PPM1E: variants seen among roughly 807,000 people sequenced by gnomAD.
PPM1E encodes the protein protein phosphatase 1E.
In PPM1E, 20 loss-of-function variants were observed where a neutral mutation model predicts 65.9. The ratio of observed to expected loss-of-function variants is 0.30; its 90% CI spans 0.21 to 0.44. The LOEUF is 0.44. Ranked by LOEUF, PPM1E falls within the 20% of genes least tolerant of loss-of-function variation. PPM1E has a pLI of 1.00. For synonymous variants in PPM1E, 352 were observed against 374.9 expected, an observed-to-expected ratio of 0.94 and a Z score of 0.70; for missense variants, 713 against 953.1, an observed-to-expected ratio of 0.75 and a Z score of 3.32.
chr17:58,824,674 C>A (rs544394431), intron 1 of PPM1E, among the ~76,000 whole-genome samples: 1 of 151,424 alleles, frequency 6.6e-6, no homozygotes, highest in East Asian at 1.9e-4. Context: ...CTGCAAGCTC[C>A]GTCTCCCGGG....
chr17:58,846,594 A>G (rs925448939), intron 1 of PPM1E, among the ~76,000 whole-genome samples: 1 of 152,204 alleles, frequency 6.6e-6, no homozygotes, highest in Non-Finnish European at 1.5e-5. Flanking sequence ...TACAAAGGAC[A>G]TGAATGCATC....
At chr17:58,966,256 T>C in intron 3 of PPM1E, 1 of 371,244 alleles carries the variant, frequency 2.7e-6, no homozygotes, top group Non-Finnish European at 5.1e-6. Flanking sequence ...AGCTCACGCC[T>C]GTAATCCTAG....
chr17:58,897,088 G>A (rs2051427809), intron 1 of PPM1E, among the ~76,000 whole-genome samples: 1 of 152,084 alleles, frequency 6.6e-6, no homozygotes, highest in Admixed American at 6.6e-5. Context: ...CCACTGTTGA[G>A]ACCTACTGCT....
At chr17:58,780,543 A>T (rs1598566330) in intron 1 of PPM1E, among the ~76,000 whole-genome samples, 1 of 152,104 alleles carries the variant, frequency 6.6e-6, no homozygotes, top group Non-Finnish European at 1.5e-5. Flanking sequence ...TTGGTGTTTT[A>T]TATTTCTTCT....
chr17:58,878,100 G>A (rs550967497), intron 1 of PPM1E, among the ~76,000 whole-genome samples: 1 of 152,256 alleles, frequency 6.6e-6, no homozygotes, highest in Non-Finnish European at 1.5e-5. Context: ...AAAAGAAAGA[G>A]TGGCTTTACA....
chr17:58,947,303 C>T (rs2052171833), intron 1 of PPM1E, among the ~76,000 whole-genome samples: 1 of 132,962 alleles, frequency 7.5e-6, no homozygotes, highest in Non-Finnish European at 1.5e-5. Flanking sequence ...GTGACGTGAT[C>T]TCAGCTCACT....
In PPM1E at chr17:58,981,242, G is replaced by C; in HGVS notation, c.*211G>C. ...GCAGTTTCACTTGCAAAATTACACA[G>C]CTGGTCCCTGTGATGTGTCTCGACA... On this transcript the variant is annotated 3_prime_UTR_variant, in exon 7 of 7. Coordinates refer to ENST00000308249, the MANE Select transcript of PPM1E (RefSeq NM_014906.5). 1.9e-6 allele frequency: 1 copy of C among 521,284 alleles called. No individual in the cohort carries two copies. The highest frequency in any genetic ancestry group is 3.4e-6 in the Non-Finnish European group (1 of 297,664). 32.3% of individuals were successfully genotyped at this position (521,284 alleles called of 1,614,324 possible).
At chr17:58,857,035 T>A (rs1598613187) in intron 1 of PPM1E, among the ~76,000 whole-genome samples, 1 of 152,178 alleles carries the variant, frequency 6.6e-6, no homozygotes, top group East Asian at 1.9e-4. Context: ...CAGTTTAACC[T>A]ATTTTTTGCC....
At chr17:58,789,740 T>TTA (rs3034940) in intron 1 of PPM1E, among the ~76,000 whole-genome samples, 86 of 145,794 alleles carry the variant, frequency 5.9e-4, no homozygotes, top group African/African-American at 1.6e-3. Flanking sequence ...TGAGAGTCAT[T>TTA]TATATATATA....
Position 58,819,350 on chromosome 17 carries a change from T to C in PPM1E, c.464+62889T>C, listed in dbSNP as rs530894586. Among the ~76,000 whole-genome samples, 11 of 152,304 alleles carry C rather than the reference T, an allele frequency of 7.2e-5. No homozygotes were observed. In the East Asian group the frequency reaches 1.5e-3, roughly 21 times the overall value. ...TTTTAGTAGACACGGGGTTTCGCCA[T>C]GTAGGCCAGGCTGGTCTTGAACGCC... On this transcript the variant is annotated intron_variant, in intron 1 of 6. Coordinates refer to ENST00000308249, the MANE Select transcript of PPM1E (RefSeq NM_014906.5).
At chr17:58,877,952 A>G (rs1242267025) in intron 1 of PPM1E, among the ~76,000 whole-genome samples, 1 of 152,066 alleles carries the variant, frequency 6.6e-6, no homozygotes, top group Non-Finnish European at 1.5e-5. Context: ...TGTGATTTAT[A>G]TCTCAGTGAA....
chr17:58,928,765 C>T (rs535180979), intron 1 of PPM1E, among the ~76,000 whole-genome samples: 66 of 150,794 alleles, frequency 4.4e-4, no homozygotes, highest in African/African-American at 1.6e-3. Flanking sequence ...TACAGTGACG[C>T]GATCTCAGCT....
intron 1 of PPM1E, among the ~76,000 whole-genome samples, chr17:58,773,890 G>A (rs372867130): frequency 6.6e-6 from 1 of 152,120 alleles, no homozygotes; most frequent in African/African-American, 2.4e-5. Flanking sequence ...GGCTGGGTGC[G>A]GTGGCTCATG....
At chr17:58,817,144 C>T (rs868683569) in intron 1 of PPM1E, among the ~76,000 whole-genome samples, 3 of 151,922 alleles carry the variant, frequency 2.0e-5, no homozygotes, top group Non-Finnish European at 4.4e-5. Context: ...ATGTCTATAC[C>T]ACATTTGATT....
intron 1 of PPM1E, among the ~76,000 whole-genome samples, chr17:58,763,064 A>T (rs1459159330): frequency 6.6e-6 from 1 of 152,084 alleles, no homozygotes; most frequent in African/African-American, 2.4e-5. Context: ...ATTGATGGAC[A>T]TGTCAGTTGT....
intron 1 of PPM1E, among the ~76,000 whole-genome samples, chr17:58,938,787 CTTTTTTT>C (rs565049669): frequency 6.4e-5 from 8 of 125,174 alleles, no homozygotes; most frequent in Non-Finnish European, 1.2e-4. Context: ...TACACTAATT[CTTTTTTT>C]TTTTTTTTTT....
intron 1 of PPM1E, among the ~76,000 whole-genome samples, chr17:58,893,568 A>T (rs564847066): frequency 1.3e-5 from 2 of 152,322 alleles, no homozygotes; most frequent in East Asian, 3.9e-4. Flanking sequence ...CAGAACATTC[A>T]TCAAGAGTGA....
chr17:58,913,252 A>G (rs1238951988), intron 1 of PPM1E, among the ~76,000 whole-genome samples: 6 of 152,122 alleles, frequency 3.9e-5, no homozygotes. Context: ...TGTGTGGGGA[A>G]AACCCCCACA....
chr17:58,802,580 C>A (rs533416376), intron 1 of PPM1E, among the ~76,000 whole-genome samples: 1 of 151,976 alleles, frequency 6.6e-6, no homozygotes, highest in East Asian at 1.9e-4. Flanking sequence ...GTGGAAAATA[C>A]CATTGGAATT....
Sources: gnomAD v4.1 joint callset for allele counts (sites outside exome capture counted in the v4.1 genomes callset) on GRCh38, gnomAD v4.1.1 for gene constraint, MANE v1.5 for transcripts, NCBI Gene and HGNC (gene_info 2026-07-23, HGNC 2026-07-21) for gene names.